UBE2B: variants seen among roughly 807,000 people sequenced by gnomAD.
UBE2B encodes the protein ubiquitin conjugating enzyme E2 B.
UBE2B carries 11 observed loss-of-function variants against 24.6 expected under a neutral mutation model. The ratio of observed to expected loss-of-function variants is 0.45; its 90% CI spans 0.28 to 0.74. The LOEUF (loss-of-function observed/expected upper bound fraction) is 0.74, where lower values mean the gene tolerates loss of function less well. Among genes scored for constraint, UBE2B ranks in the 30% least tolerant of loss-of-function variants. The pLI, the probability that UBE2B is intolerant of heterozygous loss-of-function variation, is 0.13. For synonymous variants in UBE2B, 68 were observed against 62.4 expected, an observed-to-expected ratio of 1.09 and a Z score of -0.42; for missense variants, 78 against 185.6, an observed-to-expected ratio of 0.42 and a Z score of 3.37.
rs1190870725 is a variant in UBE2B, at chr5:134,376,335, A to AT, written c.126-334_126-333insT. The stretch of plus-strand genomic sequence containing the variant: ...AAAACTCCGTCTCAAAAAAAAAAAA[A>AT]AAAAAAAAAAAAAATATATATATAT... On this transcript the variant is annotated intron_variant, in intron 2 of 5. Coordinates refer to ENST00000265339, the MANE Select transcript of UBE2B (RefSeq NM_003337.4). Among the ~76,000 whole-genome samples the AT allele has an allele frequency of 2.3e-4, 17 of 73,760 alleles. 2 individuals are homozygous for AT. Among genetic ancestry groups the AT allele is most frequent in the Non-Finnish European group, 2.9e-4 (11 of 37,616 alleles). 48.4% of individuals were successfully genotyped at this position (73,760 alleles called of 152,430 possible).
chr5:134,372,173 C>T (rs575804061), intron 1 of UBE2B, among the ~76,000 whole-genome samples: 14 of 152,216 alleles, frequency 9.2e-5, no homozygotes, highest in Non-Finnish European at 1.6e-4. Context: ...GTTAACCCAT[C>T]CCCCGAAACC....
intron 3 of UBE2B, among the ~76,000 whole-genome samples, chr5:134,376,939 G>A (rs1472629605): frequency 2.6e-5 from 4 of 152,208 alleles, no homozygotes; most frequent in African/African-American, 9.6e-5. Flanking sequence ...GGATGGCAGT[G>A]TTTATGTTGA....
chr5:134,375,785 G>A lies in UBE2B; in HGVS notation c.126-884G>A, dbSNP rs867760532. 5.7e-3 allele frequency among the ~76,000 whole-genome samples: 647 copies of A among 113,112 alleles called. 6 individuals are homozygous for A. The highest frequency in any genetic ancestry group is 0.021 in the African/African-American group (601 of 28,806). 74.2% of individuals were successfully genotyped at this position (113,112 alleles called of 152,430 possible). On this transcript the variant is annotated intron_variant, in intron 2 of 5. Coordinates refer to ENST00000265339, the MANE Select transcript of UBE2B (RefSeq NM_003337.4). ...ACTGCACTCCAGCCTGGGCGACAGC[G>A]AGACTCCGTCTCAAAAAAAAAAAAA...
intron 1 of UBE2B, 76 bp downstream of exon 1, chr5:134,371,715 TCC>T (rs1211495041): frequency 4.9e-5 from 78 of 1,597,714 alleles, no homozygotes; most frequent in Non-Finnish European, 6.4e-5. Context: ...CCAGACACCT[TCC>T]CCTTTGTGAC....
chr5:134,377,620 G>C (rs182207713), intron 3 of UBE2B, among the ~76,000 whole-genome samples: 8 of 152,056 alleles, frequency 5.3e-5, no homozygotes, highest in Non-Finnish European at 1.0e-4. Flanking sequence ...CTGTGGGGGG[G>C]GTAAGGAGTT....
In UBE2B at chr5:134,371,615, G is replaced by A; in HGVS notation, c.20G>A (p.Arg7Lys). Residue 7 changes from arginine to lysine, a missense_variant, in exon 1 of 6, where the codon AGG becomes AAG. By Grantham distance (26) the Arg-to-Lys change is conservative (BLOSUM62 2). Coordinates refer to ENST00000265339, the MANE Select transcript of UBE2B (RefSeq NM_003337.4). ...CGGAGCATGTCGACCCCGGCCCGGAGGAGGCTCATGCGGGATTTCAAGCGG... is the reference window on the plus strand; with the variant it reads ...CGGAGCATGTCGACCCCGGCCCGGAAGAGGCTCATGCGGGATTTCAAGCGG... MSTPAR[R>K]RLMRDFKRLQ... 2 of 1,613,260 alleles carry A rather than the reference G, an allele frequency of 1.2e-6. No homozygotes were observed. The highest frequency in any genetic ancestry group is 1.7e-6 in the Non-Finnish European group (2 of 1,179,888).
chr5:134,373,064 T>G (rs1758517291), intron 1 of UBE2B, among the ~76,000 whole-genome samples: 1 of 152,192 alleles, frequency 6.6e-6, no homozygotes, highest in African/African-American at 2.4e-5. Flanking sequence ...TTTCCAGAGA[T>G]CTGCAGGTTA....
At chr5:134,381,322 C>T (rs1460318584) in intron 4 of UBE2B, among the ~76,000 whole-genome samples, 1 of 152,174 alleles carries the variant, frequency 6.6e-6, no homozygotes, top group East Asian at 1.9e-4. Context: ...GTGGTACAGT[C>T]ACAGTTCACT....
chr5:134,386,445 C>CT (rs1758803022), intron 4 of UBE2B, among the ~76,000 whole-genome samples: 3 of 151,820 alleles, frequency 2.0e-5, no homozygotes, highest in Admixed American at 2.0e-4. Context: ...GCCTGGCCAA[C>CT]ATATGGCAAA....
rs758701702 is a variant in UBE2B at position 134,390,384 on chromosome 5, ATTG to A, written c.*36_*38del. Reference sequence around the variant, plus strand: ...AACTGGTCTGTTAATCTTTTTCATCATTGTTGTGTATAATTTACCTCTCATTAG... The same window carrying A: ...AACTGGTCTGTTAATCTTTTTCATCATTGTGTATAATTTACCTCTCATTAG... On this transcript the variant is annotated 3_prime_UTR_variant, in exon 6 of 6. Coordinates refer to ENST00000265339, the MANE Select transcript of UBE2B (RefSeq NM_003337.4). The surrounding 1 kb of genome is among the most constrained non-coding windows in gnomAD (Gnocchi z 4.6). 1.2e-6 allele frequency: 2 copies of A among 1,612,896 alleles called. No individual in the cohort carries two copies. Among genetic ancestry groups the A allele is most frequent in the Admixed American group, 1.7e-5 (1 of 59,952 alleles).
chr5:134,381,403 G>A (rs1022488918), intron 4 of UBE2B, among the ~76,000 whole-genome samples: 15 of 152,016 alleles, frequency 9.9e-5, no homozygotes, highest in African/African-American at 3.6e-4. Context: ...CGACAGGTGT[G>A]GACCACCATG....
intron 2 of UBE2B, 43 bp from the exon 3 acceptor site, chr5:134,376,625 CA>C (rs769241298): frequency 2.1e-5 from 34 of 1,600,354 alleles, no homozygotes; most frequent in Non-Finnish European, 2.7e-5. Flanking sequence ...CAAGAAAAAG[CA>C]GAATGAGAAA....
chr5:134,373,884 T>C (rs183158382), intron 1 of UBE2B, among the ~76,000 whole-genome samples: 17 of 152,360 alleles, frequency 1.1e-4, no homozygotes, highest in African/African-American at 4.1e-4. Context: ...TAGTCTATCA[T>C]TGTTGGACAT....
chr5:134,380,955 ATTTTTTTTTT>A (rs1186834088), intron 4 of UBE2B, 147 bp downstream of exon 4: 165 of 153,960 alleles, frequency 1.1e-3, no homozygotes, highest in Admixed American at 4.1e-3. Context: ...TTTGTTGTGG[ATTTTTTTTTT>A]TTTTTTTTTT....
chr5:134,382,817 G>T (rs930276095), intron 4 of UBE2B, among the ~76,000 whole-genome samples: 1 of 151,476 alleles, frequency 6.6e-6, no homozygotes, highest in South Asian at 2.1e-4. Context: ...AAAATAAGGT[G>T]TTTTTTTTGG....
intron 3 of UBE2B, among the ~76,000 whole-genome samples, chr5:134,378,738 A>G (rs1163412180): frequency 1.3e-5 from 2 of 152,124 alleles, no homozygotes; most frequent in Admixed American, 1.3e-4. Flanking sequence ...GTGGTTATTC[A>G]GGTTTGAATA....
At chr5:134,375,797 C>CAAAA (rs775635194) in intron 2 of UBE2B, among the ~76,000 whole-genome samples, 8 of 29,884 alleles carry the variant, frequency 2.7e-4, no homozygotes, top group East Asian at 1.7e-3. Context: ...GACTCCGTCT[C>CAAAA]AAAAAAAAAA....
At chr5:134,384,697 T>C (rs1349489560) in intron 4 of UBE2B, among the ~76,000 whole-genome samples, 1 of 152,220 alleles carries the variant, frequency 6.6e-6, no homozygotes, top group Non-Finnish European at 1.5e-5. Context: ...TTTAAAAACA[T>C]TTATTGAAAT....
chr5:134,390,467 GA>G lies in UBE2B; in HGVS notation c.*120del. On this transcript the variant is annotated 3_prime_UTR_variant, in exon 6 of 6. Transcript: ENST00000265339. The surrounding 1 kb of genome is among the most constrained non-coding windows in gnomAD (Gnocchi z 4.6). ...TTTTAAGGATTCTGCAGAAAAAAAA[GA>G]AAAAAGTCCTTCAGTTTAGAACCTA... 7.5e-7 allele frequency: 1 copy of G among 1,325,294 alleles called. No homozygotes were observed. Among genetic ancestry groups the G allele is most frequent in the South Asian group, 1.3e-5 (1 of 76,368 alleles). The allele number at this position is 1,325,294 out of a possible 1,614,324, so 82.1% of individuals were successfully genotyped here.
Sources: gnomAD v4.1 joint callset for allele counts (sites outside exome capture counted in the v4.1 genomes callset) on GRCh38, gnomAD v4.1.1 for gene constraint, Gnocchi (gnomAD v3.1) non-coding constraint, MANE v1.5 for transcripts, NCBI Gene and HGNC (gene_info 2026-07-23, HGNC 2026-07-21) for gene names.